Variants in COL19A1 observed in about 807,000 individuals in gnomAD.
COL19A1 encodes the protein collagen alpha-1(XIX) chain.
A neutral mutation model predicts 190.2 loss-of-function variants in COL19A1; 159 were observed. The ratio of observed to expected loss-of-function variants is 0.84; its 90% CI spans 0.73 to 0.95. The LOEUF (loss-of-function observed/expected upper bound fraction) is 0.95. COL19A1 is among the 40% of genes least tolerant of loss of function. The pLI is 0.00. For missense variants in COL19A1, 1,418 were observed against 1,431.9 expected, an observed-to-expected ratio of 0.99 and a Z score of 0.16; for synonymous variants, 509 against 458.9, an observed-to-expected ratio of 1.11 and a Z score of -1.39.
intron 11 of COL19A1, among the ~76,000 whole-genome samples, chr6:70,005,126 C>T (rs1380839394): frequency 6.6e-6 from 1 of 152,114 alleles, no homozygotes; most frequent in East Asian, 1.9e-4. Flanking sequence ...TTTTTATTAT[C>T]CATCTTCTGA....
intron 1 of COL19A1, among the ~76,000 whole-genome samples, chr6:69,872,956 A>T (rs1328274703): frequency 6.6e-6 from 1 of 152,220 alleles, no homozygotes; most frequent in African/African-American, 2.4e-5. Context: ...GAGAGTAAAC[A>T]TTATGATATA....
Position 70,206,985 on chromosome 6 carries a change from G to A in COL19A1, c.3301+7G>A. On this transcript the variant is annotated splice_region_variant and intron_variant, in intron 50 of 50. Transcript: ENST00000620364. ...GGTCTTCCTGGGACTTCAGGTAAGT[G>A]GGATATTGTCTTCACAACACAAGCA... 1 of 1,612,906 alleles carries A rather than the reference G, an allele frequency of 6.2e-7. No individual in the cohort carries two copies. Among genetic ancestry groups the A allele is most frequent in the Non-Finnish European group, 8.5e-7 (1 of 1,179,608 alleles).
chr6:69,979,046 T>C (rs997607828), intron 11 of COL19A1, among the ~76,000 whole-genome samples: 4 of 151,934 alleles, frequency 2.6e-5, no homozygotes, highest in Admixed American at 6.6e-5. Flanking sequence ...AAAATATGAC[T>C]ACACTAATTA....
At position 70,006,772 on chromosome 6, in the gene COL19A1, G is replaced by T. The variant is rs557102026; in HGVS notation, c.1027-16855G>T. Among the ~76,000 whole-genome samples, 29 of 151,864 alleles carry T rather than the reference G, an allele frequency of 1.9e-4. No homozygotes were observed. The South Asian group carries it at 5.4e-3, about 28-fold the overall frequency. On this transcript the variant is annotated intron_variant, in intron 11 of 50. Coordinates refer to ENST00000620364, the MANE Select transcript of COL19A1 (RefSeq NM_001858.6). ...TTACACTACACTGTTACATTTATAGGATATGAATATATTATATATGATATC... is the reference window on the plus strand; with the variant it reads ...TTACACTACACTGTTACATTTATAGTATATGAATATATTATATATGATATC...
intron 23 of COL19A1, among the ~76,000 whole-genome samples, chr6:70,143,325 G>A (rs999188407): frequency 3.3e-5 from 5 of 152,150 alleles, no homozygotes; most frequent in African/African-American, 9.7e-5. Context: ...CCTAGCTTTA[G>A]TGGACTTAAA....
intron 16 of COL19A1, among the ~76,000 whole-genome samples, chr6:70,111,061 C>T (rs922487393): frequency 6.6e-5 from 10 of 152,064 alleles, no homozygotes; most frequent in East Asian, 3.9e-4. Flanking sequence ...ATTTTCAGAA[C>T]GGGATATTTG....
At chr6:69,895,419 C>A (rs1392633786) in intron 2 of COL19A1, among the ~76,000 whole-genome samples, 1 of 152,178 alleles carries the variant, frequency 6.6e-6, no homozygotes, top group Non-Finnish European at 1.5e-5. Flanking sequence ...TTCCTTAGTG[C>A]AGCTAAAGAT....
intron 1 of COL19A1, among the ~76,000 whole-genome samples, chr6:69,877,889 C>T (rs1768236064): frequency 6.6e-6 from 1 of 151,994 alleles, no homozygotes; most frequent in African/African-American, 2.4e-5. Context: ...CCTGTAATCC[C>T]AGCTACTCGA....
In COL19A1 at chr6:70,209,934, A is replaced by T. The variant is rs1387004390; in HGVS notation, c.*2660A>T. The T allele has an allele frequency of 6.6e-6, 1 of 152,180 alleles. No homozygotes were observed. Among genetic ancestry groups the T allele is most frequent in the Non-Finnish European group, 1.5e-5 (1 of 68,004 alleles). The allele number at this position is 152,180 out of a possible 1,614,324, so 9.4% of individuals were successfully genotyped here. A position where few individuals can be genotyped will look rare whatever the true frequency, so the allele number is the denominator to read the frequency against. ...TCCTTTAATAAAAAGAAACTAAATA[A>T]TTTGGGCCCCAAAGTAGGGTGGGAA... On this transcript the variant is annotated 3_prime_UTR_variant, in exon 51 of 51. Coordinates refer to ENST00000620364, the MANE Select transcript of COL19A1 (RefSeq NM_001858.6).
chr6:69,912,086 A>C (rs1325347780), intron 4 of COL19A1, among the ~76,000 whole-genome samples: 1 of 152,094 alleles, frequency 6.6e-6, no homozygotes, highest in Non-Finnish European at 1.5e-5. Context: ...TCCTTTGTTA[A>C]CCCATTTCTG....
Position 70,168,206 on chromosome 6 carries a change from C to T in COL19A1, c.2532C>T (p.Pro844=), listed in dbSNP as rs768167860. Residue 844 remains proline, a synonymous_variant, in exon 39 of 51, where the codon CCC becomes CCT. Coordinates refer to ENST00000620364, the MANE Select transcript of COL19A1 (RefSeq NM_001858.6). ...ATGTTCCCAGTTACCCAGGGCCACC[C>T]GGTCCTCCTGTAAGTACAGTTGTTT... ...GVNVPSYPGP[P]GPPGPKGDPG... The T allele has an allele frequency of 6.2e-6, 10 of 1,613,100 alleles. No homozygotes were observed. In the East Asian group the frequency reaches 6.7e-5, roughly 11 times the overall value.
chr6:69,912,213 CCTT>C (rs1770978666), intron 4 of COL19A1, among the ~76,000 whole-genome samples: 1 of 152,140 alleles, frequency 6.6e-6, no homozygotes, highest in Non-Finnish European at 1.5e-5. Flanking sequence ...CTTCAAGTTT[CCTT>C]CTTTTTTTGG....
rs891511514 is a variant in COL19A1, at chr6:69,871,926, C to T, written c.-33+5286C>T. ...CCGCCTCCCAGGTTCAAGTGATTCT[C>T]CTGCCTCAGCCTCCTGAGTAGCTGG... On this transcript the variant is annotated intron_variant, in intron 1 of 50. Transcript: ENST00000620364. Among the ~76,000 whole-genome samples, 12 of 150,806 alleles carry T rather than the reference C, an allele frequency of 8.0e-5. No individual in the cohort carries two copies. The Admixed American group carries it at 8.0e-4, about 10-fold the overall frequency.
At chr6:69,979,469 C>T (rs1775915472) in intron 11 of COL19A1, among the ~76,000 whole-genome samples, 2 of 151,618 alleles carry the variant, frequency 1.3e-5, no homozygotes, top group South Asian at 2.1e-4. Flanking sequence ...AATATTCATT[C>T]CTAATAAGAT....
chr6:70,135,338 C>T (rs1239941497), intron 18 of COL19A1, among the ~76,000 whole-genome samples: 1 of 152,148 alleles, frequency 6.6e-6, no homozygotes, highest in Non-Finnish European at 1.5e-5. Context: ...TTCAGTCTCT[C>T]TCCCCTCCCC....
At chr6:70,136,376 ATTACAATCAAAG>A (rs1174500363) in intron 18 of COL19A1, among the ~76,000 whole-genome samples, 1 of 152,186 alleles carries the variant, frequency 6.6e-6, no homozygotes, top group Non-Finnish European at 1.5e-5. Flanking sequence ...AGAAAAGCTG[ATTACAATCAAAG>A]TGCCCATCGG....
At chr6:69,956,547 A>G (rs1490678000) in intron 9 of COL19A1, among the ~76,000 whole-genome samples, 1 of 152,082 alleles carries the variant, frequency 6.6e-6, no homozygotes, top group Admixed American at 6.6e-5. Context: ...ATGGACTGCC[A>G]ACAGTTTAAG....
At chr6:70,057,211 C>G (rs1780555868) in intron 14 of COL19A1, among the ~76,000 whole-genome samples, 1 of 152,130 alleles carries the variant, frequency 6.6e-6, no homozygotes, top group Non-Finnish European at 1.5e-5. Flanking sequence ...TTATCATCAT[C>G]AGACAAATCA....
intron 19 of COL19A1, 51 bp from the exon 20 acceptor site, chr6:70,140,903 A>G (rs1786206514): frequency 6.3e-7 from 1 of 1,582,880 alleles, no homozygotes; most frequent in South Asian, 1.1e-5. Context: ...CCCGGTTTGG[A>G]GAGTTTATTT....
Sources: gnomAD v4.1 joint callset for allele counts (sites outside exome capture counted in the v4.1 genomes callset) on GRCh38, gnomAD v4.1.1 for gene constraint, MANE v1.5 for transcripts, NCBI Gene and HGNC (gene_info 2026-07-23, HGNC 2026-07-21) for gene names.